The following SYT16 variants were observed in gnomAD, a reference collection of about 807,000 sequenced individuals.
The protein encoded by SYT16 is synaptotagmin 16.
Under a neutral mutation model 61.4 loss-of-function variants are expected in SYT16, and 42 were observed. That is an observed-to-expected ratio of 0.68 (90% confidence interval 0.53 to 0.89). The LOEUF (loss-of-function observed/expected upper bound fraction) is 0.89, where lower values mean the gene tolerates loss of function less well. Ranked by LOEUF, SYT16 falls within the 40% of genes least tolerant of loss-of-function variation. The probability of loss-of-function intolerance (pLI) is 0.00; values close to 1 mark genes in which losing one functional copy is unlikely to be tolerated. For synonymous variants in SYT16, 314 were observed against 302.3 expected, an observed-to-expected ratio of 1.04 and a Z score of -0.40; for missense variants, 804 against 807.3, an observed-to-expected ratio of 1.00 and a Z score of 0.05.
intron 3 of SYT16, among the ~76,000 whole-genome samples, chr14:62,008,769 A>T (rs1279020726): frequency 1.3e-5 from 2 of 151,476 alleles, no homozygotes; most frequent in East Asian, 3.9e-4. Context: ...TCTCAATGTT[A>T]TGTTTTTGAG....
intron 1 of SYT16, among the ~76,000 whole-genome samples, chr14:61,918,675 T>C (rs2049211756): frequency 6.6e-6 from 1 of 152,152 alleles, no homozygotes; most frequent in African/African-American, 2.4e-5. Context: ...TAAATATTAA[T>C]ATAACATTCT....
intron 1 of SYT16, among the ~76,000 whole-genome samples, chr14:61,954,309 T>A (rs1346177761): frequency 1.9e-5 from 1 of 51,796 alleles, no homozygotes; most frequent in Admixed American, 1.4e-4. Flanking sequence ...TTGGTTAGCC[T>A]TTTTTTTTTT....
At chr14:61,918,783 T>C (rs1201701448) in intron 1 of SYT16, among the ~76,000 whole-genome samples, 1 of 152,108 alleles carries the variant, frequency 6.6e-6, no homozygotes, top group Admixed American at 6.6e-5. Flanking sequence ...TGTGTTCTGA[T>C]TTTTCTACAA....
chr14:62,034,220 TG>T (rs1292586702), intron 3 of SYT16, among the ~76,000 whole-genome samples: 1 of 152,158 alleles, frequency 6.6e-6, no homozygotes, highest in Non-Finnish European at 1.5e-5. Flanking sequence ...GGTGAGGATG[TG>T]GAAAAATTGG....
At chr14:62,042,499 A>T (rs554015825) in intron 3 of SYT16, among the ~76,000 whole-genome samples, 6 of 152,248 alleles carry the variant, frequency 3.9e-5, no homozygotes, top group Non-Finnish European at 7.4e-5. Context: ...CTCATTACTG[A>T]GGTCAAATCT....
At chr14:62,023,619 T>C (rs1351517408) in intron 3 of SYT16, among the ~76,000 whole-genome samples, 1 of 152,200 alleles carries the variant, frequency 6.6e-6, no homozygotes, top group Non-Finnish European at 1.5e-5. Context: ...TTGAAGTGAA[T>C]GTGTAGATTA....
intron 1 of SYT16, among the ~76,000 whole-genome samples, chr14:61,876,760 C>T (rs1047161821): frequency 3.3e-5 from 5 of 152,126 alleles, no homozygotes; most frequent in Non-Finnish European, 7.4e-5. Flanking sequence ...GGGAAGGGGA[C>T]AGCGCATTTC....
chr14:62,100,902 TAC>T lies in SYT16; in HGVS notation c.*199_*200del. On this transcript the variant is annotated 3_prime_UTR_variant, in exon 8 of 8. Coordinates refer to ENST00000683842, the MANE Select transcript of SYT16 (RefSeq NM_001367656.1). The stretch of plus-strand genomic sequence containing the variant: ...AATATTGTAATTTTAAAAACACACA[TAC>T]ACAGTGAAGTGTCCGTATGGAAAAT... 1 of 590,408 alleles carries T rather than the reference TAC, an allele frequency of 1.7e-6. No homozygotes were observed. Among genetic ancestry groups the T allele is most frequent in the Non-Finnish European group, 3.0e-6 (1 of 338,594 alleles). The allele number at this position is 590,408 out of a possible 1,614,324, so 36.6% of individuals were successfully genotyped here.
chr14:61,928,026 G>A (rs1404652202), intron 1 of SYT16, among the ~76,000 whole-genome samples: 10 of 152,162 alleles, frequency 6.6e-5, no homozygotes, highest in African/African-American at 1.9e-4. Context: ...CTGAGGGAAG[G>A]GGCTAGTTTA....
At position 62,075,259 on chromosome 14, in the gene SYT16, C is replaced by G; in HGVS notation, c.861C>G (p.His287Gln). The G allele has an allele frequency of 1.9e-6, 3 of 1,613,882 alleles. No homozygotes were observed. The highest frequency in any genetic ancestry group is 2.5e-6 in the Non-Finnish European group (3 of 1,179,866). The change falls in exon 5 of 8, where the codon CAC becomes CAG. Residue 287 changes from histidine (H) to glutamine (Q), a missense_variant. Coordinates refer to ENST00000683842, the MANE Select transcript of SYT16 (RefSeq NM_001367656.1). ...RGDAKHHGTSHQESSVVQSLR... is the reference protein window; with the variant it reads ...RGDAKHHGTSQQESSVVQSLR... ...ATGCCAAACACCACGGCACATCTCACCAAGAGTCCAGTGTGGTCCAAAGCC... is the reference window on the plus strand; with the variant it reads ...ATGCCAAACACCACGGCACATCTCAGCAAGAGTCCAGTGTGGTCCAAAGCC...
chr14:62,028,491 C>T (rs187197805), intron 3 of SYT16, among the ~76,000 whole-genome samples: 8 of 152,284 alleles, frequency 5.3e-5, no homozygotes, highest in African/African-American at 1.7e-4. Flanking sequence ...TATAGGCAGC[C>T]TGTCTCTTAA....
chr14:62,007,578 T>C (rs892980240), intron 3 of SYT16, among the ~76,000 whole-genome samples: 2 of 152,136 alleles, frequency 1.3e-5, no homozygotes, highest in Non-Finnish European at 2.9e-5. Context: ...TTCCCATTGT[T>C]ACGTATTTTG....
intron 2 of SYT16, among the ~76,000 whole-genome samples, chr14:61,993,954 C>T (rs565709064): frequency 6.6e-6 from 1 of 152,256 alleles, no homozygotes; most frequent in East Asian, 1.9e-4. Flanking sequence ...TCCAGGGAGC[C>T]TCCATTCTAG....
rs555210606 is a variant in SYT16, at chr14:62,001,365, A to G, written c.523+4823A>G. 3.3e-5 allele frequency among the ~76,000 whole-genome samples: 5 copies of G among 152,206 alleles called. No homozygotes were observed. In the South Asian group the frequency reaches 1.0e-3, roughly 32 times the overall value. ...TATTTGAAAAATATTTTAGCTAGGT[A>G]TAGAATGTTGGTTGACAGTCATTTT... On this transcript the variant is annotated intron_variant, in intron 3 of 7. Coordinates refer to ENST00000683842, the MANE Select transcript of SYT16 (RefSeq NM_001367656.1).
intron 1 of SYT16, among the ~76,000 whole-genome samples, chr14:61,959,299 A>G (rs1314167401): frequency 6.6e-6 from 1 of 151,812 alleles, no homozygotes; most frequent in Admixed American, 6.6e-5. Context: ...CATATTGTTA[A>G]TTGTTTTCTG....
intron 3 of SYT16, among the ~76,000 whole-genome samples, chr14:62,014,705 A>G (rs562210035): frequency 1.3e-5 from 2 of 152,188 alleles, no homozygotes; most frequent in South Asian, 2.1e-4. Context: ...AAGGGCTGGG[A>G]TTACAGGCAC....
At chr14:62,096,767 C>T (rs907700368) in intron 7 of SYT16, among the ~76,000 whole-genome samples, 3 of 152,028 alleles carry the variant, frequency 2.0e-5, no homozygotes, top group Non-Finnish European at 4.4e-5. Context: ...TGGACAGGAT[C>T]CCAAAGAGGG....
intron 1 of SYT16, among the ~76,000 whole-genome samples, chr14:61,968,515 A>G (rs2051411303): frequency 6.6e-6 from 1 of 152,106 alleles, no homozygotes; most frequent in African/African-American, 2.4e-5. Flanking sequence ...GACTGAGTAC[A>G]AAGCAGCTGG....
intron 3 of SYT16, among the ~76,000 whole-genome samples, chr14:62,056,957 C>T (rs1341770736): frequency 1.3e-5 from 2 of 152,120 alleles, no homozygotes; most frequent in African/African-American, 4.8e-5. Context: ...CTTCGGGAGG[C>T]ATGAAAGTCA....
Sources: allele counts gnomAD v4.1 joint callset (sites outside exome capture counted in the v4.1 genomes callset), GRCh38; gene constraint gnomAD v4.1.1; transcripts MANE v1.5; gene names NCBI Gene and HGNC (gene_info 2026-07-23, HGNC 2026-07-21).